Variants in CENPW observed in about 807,000 individuals in gnomAD.
CENPW encodes cancer-up-regulated gene 2 protein.
Under a neutral mutation model 11.1 loss-of-function variants are expected in CENPW, and 3 were observed. That is an observed-to-expected ratio of 0.27 (90% CI 0.12 to 0.70). CENPW has a LOEUF of 0.70. Among genes scored for constraint, CENPW ranks in the 30% least tolerant of loss-of-function variants. The probability of loss-of-function intolerance (pLI) is 0.77; values close to 1 mark genes in which losing one functional copy is unlikely to be tolerated. For missense variants in CENPW, 100 were observed against 105.6 expected, an observed-to-expected ratio of 0.95 and a Z score of 0.23; for synonymous variants, 38 against 42.0, an observed-to-expected ratio of 0.91 and a Z score of 0.37.
chr6:126,396,422 A>G, the CENPW span, among the ~76,000 whole-genome samples: 3 of 152,128 alleles, frequency 2.0e-5, no homozygotes, highest in African/African-American at 7.2e-5. Flanking sequence ...GAATGCTGCT[A>G]GTCCTGAAAC....
At chr6:126,425,957 G>A in the CENPW span, among the ~76,000 whole-genome samples, 1 of 151,800 alleles carries the variant, frequency 6.6e-6, no homozygotes, top group Non-Finnish European at 1.5e-5. Flanking sequence ...ATTACCTTAT[G>A]TATTACAAAA....
At chr6:126,467,024 C>T in the CENPW span, among the ~76,000 whole-genome samples, 1 of 152,132 alleles carries the variant, frequency 6.6e-6, no homozygotes, top group Non-Finnish European at 1.5e-5. Flanking sequence ...ACATTTCATG[C>T]TCATGAATTA....
the CENPW span, among the ~76,000 whole-genome samples, chr6:126,371,370 G>T: frequency 6.6e-6 from 1 of 151,980 alleles, no homozygotes; most frequent in Non-Finnish European, 1.5e-5. Context: ...TTTTAATTCT[G>T]TTTATGTGTT....
the CENPW span, among the ~76,000 whole-genome samples, chr6:126,430,048 A>G: frequency 6.6e-6 from 1 of 152,188 alleles, no homozygotes. Flanking sequence ...GTTCTGCCAT[A>G]GTATTCTGTG....
the CENPW span, among the ~76,000 whole-genome samples, chr6:126,481,850 A>C: frequency 6.6e-6 from 1 of 152,082 alleles, no homozygotes; most frequent in Non-Finnish European, 1.5e-5. Flanking sequence ...CAATTATTTT[A>C]ATTTTAGCAC....
the CENPW span, among the ~76,000 whole-genome samples, chr6:126,365,143 T>A: frequency 2.6e-4 from 39 of 152,162 alleles, no homozygotes; most frequent in African/African-American, 9.2e-4. Context: ...TGGGGATGGA[T>A]AACTTAGATC....
chr6:126,378,230 G>T, the CENPW span, among the ~76,000 whole-genome samples: 1 of 152,140 alleles, frequency 6.6e-6, no homozygotes, highest in African/African-American at 2.4e-5. Flanking sequence ...TCGAGCATTT[G>T]TCAACTGGCT....
At chr6:126,373,545 G>A in the CENPW span, among the ~76,000 whole-genome samples, 1 of 152,212 alleles carries the variant, frequency 6.6e-6, no homozygotes, top group Non-Finnish European at 1.5e-5. Context: ...GCTCTGCTGG[G>A]CAGTTCTTCT....
At chr6:126,344,192 G>C (rs144097505) in intron 1 of CENPW, among the ~76,000 whole-genome samples, 9 of 152,340 alleles carry the variant, frequency 5.9e-5, no homozygotes, top group Non-Finnish European at 1.3e-4. Context: ...GAGGAAGACA[G>C]CTAAGTGAGA....
At chr6:126,477,875 C>A in the CENPW span, among the ~76,000 whole-genome samples, 1 of 151,930 alleles carries the variant, frequency 6.6e-6, no homozygotes, top group Non-Finnish European at 1.5e-5. Flanking sequence ...TCCTCACCAC[C>A]AGTTTACTCC....
chr6:126,427,745 C>A, the CENPW span, among the ~76,000 whole-genome samples: 1 of 152,098 alleles, frequency 6.6e-6, no homozygotes, highest in Non-Finnish European at 1.5e-5. Flanking sequence ...GTGTGACAAA[C>A]CCCATTTTCC....
chr6:126,432,262 T>G, the CENPW span, among the ~76,000 whole-genome samples: 1 of 152,026 alleles, frequency 6.6e-6, no homozygotes, highest in Non-Finnish European at 1.5e-5. Flanking sequence ...CTCCCTATGT[T>G]CCCAATACAC....
chr6:126,370,239 C>T, the CENPW span, among the ~76,000 whole-genome samples: 1 of 151,950 alleles, frequency 6.6e-6, no homozygotes, highest in Admixed American at 6.6e-5. Flanking sequence ...CTTAGTTTTG[C>T]TTTGGCTGCG....
chr6:126,440,570 A>G, the CENPW span, among the ~76,000 whole-genome samples: 1 of 151,618 alleles, frequency 6.6e-6, no homozygotes, highest in Admixed American at 6.6e-5. Context: ...AAAGAAGTAT[A>G]TGCTAATATA....
At chr6:126,483,304 G>A in the CENPW span, among the ~76,000 whole-genome samples, 131 of 151,750 alleles carry the variant, frequency 8.6e-4, 2 homozygotes, top group Admixed American at 8.5e-3. Context: ...GAATAAAAGT[G>A]CTGATAATTG....
At chr6:126,360,053 G>GTAGC in the CENPW span, among the ~76,000 whole-genome samples, 1 of 152,044 alleles carries the variant, frequency 6.6e-6, no homozygotes, top group Non-Finnish European at 1.5e-5. Context: ...TGATTTTGTG[G>GTAGC]TAGCAAAACA....
the CENPW span, among the ~76,000 whole-genome samples, chr6:126,460,885 G>C: frequency 2.6e-5 from 4 of 151,842 alleles, no homozygotes; most frequent in African/African-American, 9.7e-5. Context: ...GGGCTTAGAG[G>C]AGCCTGACTA....
chr6:126,375,055 C>T, the CENPW span, among the ~76,000 whole-genome samples: 2 of 152,174 alleles, frequency 1.3e-5, no homozygotes, highest in Non-Finnish European at 2.9e-5. Flanking sequence ...AATCCTCATT[C>T]ATTCAGCAGA....
chr6:126,391,802 G>A, the CENPW span, among the ~76,000 whole-genome samples: 1 of 151,744 alleles, frequency 6.6e-6, no homozygotes, highest in Non-Finnish European at 1.5e-5. Context: ...TTTATTTCTG[G>A]GTTCTCTGTT....
Sources: gnomAD v4.1 joint callset for allele counts (sites outside exome capture counted in the v4.1 genomes callset) on GRCh38, gnomAD v4.1.1 for gene constraint, MANE v1.5 for transcripts, NCBI Gene and HGNC (gene_info 2026-07-23, HGNC 2026-07-21) for gene names.